The following KIAA1217 variants were observed in gnomAD, a reference collection of about 807,000 sequenced individuals.
KIAA1217 encodes sickle tail protein homolog.
KIAA1217 carries 88 observed loss-of-function variants against 163.9 expected under a neutral mutation model. That is an observed-to-expected ratio of 0.54 (90% CI 0.45 to 0.64). The LOEUF is 0.64. KIAA1217 is among the 30% of genes least tolerant of loss of function. The pLI is 0.00. For missense variants in KIAA1217, 2,372 were observed against 2,475.0 expected (o/e 0.96, Z 0.88); for synonymous variants, 903 against 923.1 (o/e 0.98, Z 0.39).
chr10:23,957,013 G>A (rs565764136), intron 1 of KIAA1217, among the ~76,000 whole-genome samples: 15 of 152,114 alleles, frequency 9.9e-5, no homozygotes, highest in South Asian at 6.3e-4. Context: ...CCCATGACTC[G>A]GGCCTGCACC....
In KIAA1217 at chr10:23,790,248, T is replaced by TGCATATACACATAC. The variant is rs1835730754; in HGVS notation, c.-321+95020_-321+95021insACACATACGCATAT. ...ATATGCACATATGCATATGCACATA[T>TGCATATACACATAC]GCATATGCACATATGCATATGCACA... On this transcript the variant is annotated intron_variant, in intron 1 of 18. Coordinates refer to the KIAA1217 transcript ENST00000376462. Among the ~76,000 whole-genome samples, 6 of 117,428 alleles carry TGCATATACACATAC rather than the reference T, an allele frequency of 5.1e-5. 3 individuals carry two copies. The highest frequency in any genetic ancestry group is 1.0e-4 in the Non-Finnish European group (6 of 58,860). 77.0% of individuals were successfully genotyped at this position (117,428 alleles called of 152,430 possible).
intron 2 of KIAA1217, among the ~76,000 whole-genome samples, chr10:24,324,417 A>G (rs754126854): frequency 6.6e-6 from 1 of 152,140 alleles, no homozygotes; most frequent in Non-Finnish European, 1.5e-5. Flanking sequence ...AAATACAAAA[A>G]TTAGCCAGGC....
intron 1 of KIAA1217, among the ~76,000 whole-genome samples, chr10:23,766,180 A>G (rs1834507559): frequency 6.6e-6 from 1 of 152,218 alleles, no homozygotes; most frequent in Non-Finnish European, 1.5e-5. Context: ...TAGTTCCCCC[A>G]GGAGATTTTT....
At chr10:24,409,662 T>A (rs1022056794) in intron 3 of KIAA1217, among the ~76,000 whole-genome samples, 1 of 152,230 alleles carries the variant, frequency 6.6e-6, no homozygotes, top group African/African-American at 2.4e-5. Context: ...AGTTCTTTAA[T>A]GGTGACTTGT....
At chr10:24,341,137 A>G (rs542562195) in intron 2 of KIAA1217, among the ~76,000 whole-genome samples, 1 of 152,348 alleles carries the variant, frequency 6.6e-6, no homozygotes, top group East Asian at 1.9e-4. Context: ...TAACCATCAC[A>G]GTGCAAAAGG....
At chr10:23,973,869 G>C (rs2131397617) in intron 1 of KIAA1217, among the ~76,000 whole-genome samples, 1 of 151,814 alleles carries the variant, frequency 6.6e-6, no homozygotes, top group African/African-American at 2.4e-5. Flanking sequence ...TTCACCTCTA[G>C]AAGGAAATGA....
chr10:24,546,125 T>C lies in KIAA1217; in HGVS notation c.5633T>C (p.Phe1878Ser), dbSNP rs1036415861. The change falls in exon 21 of 21, where the codon TTC becomes TCC. Residue 1878 changes from phenylalanine to serine, a missense_variant. Phe to Ser is a radical substitution (Grantham distance 155, BLOSUM62 -2). Coordinates refer to ENST00000376454, the MANE Select transcript of KIAA1217 (RefSeq NM_019590.5). ...ACAGGTAAAGGTCACCATCTTTCAT[T>C]CTCACCGCAGAGTCAAAATGGCCGA... The part of the protein sequence containing the change: ...THTGKGHHLS[F>S]SPQSQNGRAP... The C allele has an allele frequency of 1.2e-6, 2 of 1,614,042 alleles. No individual in the cohort carries two copies. Among genetic ancestry groups the C allele is most frequent in the African/African-American group, 2.7e-5 (2 of 74,902 alleles).
At chr10:24,304,670 C>G (rs570935463) in intron 2 of KIAA1217, among the ~76,000 whole-genome samples, 1 of 152,114 alleles carries the variant, frequency 6.6e-6, no homozygotes, top group Non-Finnish European at 1.5e-5. Flanking sequence ...CCCCTTCAGA[C>G]AGTTCTTCTT....
chr10:24,011,411 TAGG>T (rs1190392883), intron 2 of KIAA1217, among the ~76,000 whole-genome samples: 2 of 152,112 alleles, frequency 1.3e-5, no homozygotes, highest in Non-Finnish European at 2.9e-5. Flanking sequence ...CACTTGGGCC[TAGG>T]AGTTTGAGGT....
chr10:24,267,996 T>G (rs898346702), intron 2 of KIAA1217, among the ~76,000 whole-genome samples: 1 of 152,220 alleles, frequency 6.6e-6, no homozygotes, highest in African/African-American at 2.4e-5. Context: ...CAGTTGTAAC[T>G]GGCCCTTTAA....
intron 2 of KIAA1217, among the ~76,000 whole-genome samples, chr10:24,194,789 GA>G (rs1435420085): frequency 1.2e-5 from 1 of 85,498 alleles, no homozygotes; most frequent in Non-Finnish European, 2.4e-5. Flanking sequence ...TTTTTTTTTA[GA>G]GAGAAGAGTC....
At chr10:23,994,111 T>C (rs535063946) in intron 1 of KIAA1217, among the ~76,000 whole-genome samples, 1 of 152,280 alleles carries the variant, frequency 6.6e-6, no homozygotes, top group South Asian at 2.1e-4. Flanking sequence ...ATGTGAATGA[T>C]TTAGAGTCGT....
At chr10:24,149,178 TTA>T (rs1046517885) in intron 2 of KIAA1217, among the ~76,000 whole-genome samples, 8 of 152,118 alleles carry the variant, frequency 5.3e-5, no homozygotes, top group African/African-American at 1.9e-4. Context: ...AAGAATGGTT[TTA>T]TGTTTTTTGT....
intron 5 of KIAA1217, among the ~76,000 whole-genome samples, chr10:24,467,962 C>T (rs1430668841): frequency 6.6e-6 from 1 of 152,148 alleles, no homozygotes; most frequent in Non-Finnish European, 1.5e-5. Flanking sequence ...AGCCAAATAA[C>T]AGTTAAAAAC....
intron 1 of KIAA1217, among the ~76,000 whole-genome samples, chr10:23,790,975 G>A (rs1419424663): frequency 6.6e-6 from 1 of 151,954 alleles, no homozygotes; most frequent in Non-Finnish European, 1.5e-5. Context: ...CCTCAAGTGA[G>A]CCTCCTGCCT....
At chr10:23,968,483 C>T (rs1446659420) in intron 1 of KIAA1217, among the ~76,000 whole-genome samples, 1 of 152,140 alleles carries the variant, frequency 6.6e-6, no homozygotes, top group Non-Finnish European at 1.5e-5. Context: ...TTTATTGAGT[C>T]ATAATTCACA....
chr10:24,270,681 C>T (rs534996322), intron 2 of KIAA1217, among the ~76,000 whole-genome samples: 4 of 152,230 alleles, frequency 2.6e-5, no homozygotes, highest in East Asian at 3.9e-4. Flanking sequence ...ACTGAGATTA[C>T]GGGCGCCTGC....
chr10:24,091,573 TC>T (rs2061939337), intron 2 of KIAA1217, among the ~76,000 whole-genome samples: 1 of 151,782 alleles, frequency 6.6e-6, no homozygotes. Context: ...ATGCTGCTTG[TC>T]CCCAACTCCT....
intron 5 of KIAA1217, among the ~76,000 whole-genome samples, chr10:24,455,976 C>A (rs559150141): frequency 6.6e-6 from 1 of 152,156 alleles, no homozygotes; most frequent in African/African-American, 2.4e-5. Context: ...ACCTCCGCCT[C>A]CCGGGCTCAA....
Sources: allele counts gnomAD v4.1 joint callset (sites outside exome capture counted in the v4.1 genomes callset), GRCh38; gene constraint gnomAD v4.1.1; transcripts MANE v1.5; gene names NCBI Gene and HGNC (gene_info 2026-07-23, HGNC 2026-07-21).